Variants in CPED1 observed in about 807,000 individuals in gnomAD.
The protein encoded by CPED1 is cadherin like and PC-esterase domain containing 1.
Under a neutral mutation model 128.2 loss-of-function variants are expected in CPED1, and 114 were observed. The observed-to-expected ratio is 0.89, with a 90% CI of 0.76 to 1.04. CPED1 has a LOEUF of 1.04. CPED1 is among the 50% of genes least tolerant of loss of function. The probability of loss-of-function intolerance (pLI) is 0.00; values close to 1 mark genes in which losing one functional copy is unlikely to be tolerated. For missense variants in CPED1, 1,211 were observed against 1,207.1 expected (o/e 1.00, Z -0.05); for synonymous variants, 462 against 426.7 (o/e 1.08, Z -1.02).
At chr7:121,226,773 T>G (rs1798024603) in intron 16 of CPED1, among the ~76,000 whole-genome samples, 1 of 152,130 alleles carries the variant, frequency 6.6e-6, no homozygotes, top group Non-Finnish European at 1.5e-5. Flanking sequence ...CAAGGGTGAC[T>G]TTAGATAGAT....
chr7:120,998,191 A>G (rs1395050992), intron 2 of CPED1, among the ~76,000 whole-genome samples: 2 of 152,096 alleles, frequency 1.3e-5, no homozygotes, highest in Non-Finnish European at 2.9e-5. Context: ...TAGCCTCCAG[A>G]ATTACGAGAT....
intron 16 of CPED1, among the ~76,000 whole-genome samples, chr7:121,159,714 C>T (rs1440465206): frequency 6.6e-6 from 1 of 152,100 alleles, no homozygotes; most frequent in East Asian, 1.9e-4. Flanking sequence ...AATTAGCTAA[C>T]ACTCTGTTGT....
intron 4 of CPED1, among the ~76,000 whole-genome samples, chr7:121,053,432 A>G (rs1365848783): frequency 1.3e-5 from 2 of 152,164 alleles, no homozygotes; most frequent in Non-Finnish European, 1.5e-5. Context: ...AAACTTTGGC[A>G]AGAATTTCTT....
At chr7:121,244,596 G>A (rs1465795912) in intron 18 of CPED1, among the ~76,000 whole-genome samples, 3 of 152,146 alleles carry the variant, frequency 2.0e-5, no homozygotes, top group East Asian at 1.9e-4. Flanking sequence ...ATGCTGACCC[G>A]ATTCCATGCT....
intron 19 of CPED1, 56 bp from the exon 20 acceptor site, chr7:121,266,651 C>A: frequency 7.3e-7 from 1 of 1,368,972 alleles, no homozygotes; most frequent in Non-Finnish European, 1.0e-6. Context: ...AGTGCAGTTA[C>A]AATGTTTACC....
chr7:121,234,260 C>T (rs567514809), intron 16 of CPED1, among the ~76,000 whole-genome samples: 19 of 152,188 alleles, frequency 1.2e-4, no homozygotes, highest in Admixed American at 1.0e-3. Flanking sequence ...GCCTTCTCCT[C>T]TCCCCAGCCT....
At chr7:121,012,096 G>C (rs1229400159) in intron 2 of CPED1, among the ~76,000 whole-genome samples, 1 of 152,186 alleles carries the variant, frequency 6.6e-6, no homozygotes, top group African/African-American at 2.4e-5. Flanking sequence ...AAGCAAGCAA[G>C]TGATGGGGCC....
chr7:121,110,997 A>C (rs554281489), intron 7 of CPED1, among the ~76,000 whole-genome samples: 8 of 152,284 alleles, frequency 5.3e-5, no homozygotes, highest in African/African-American at 9.6e-5. Context: ...AGAGGGTTCA[A>C]GGATGACTCT....
rs1288368730 is a variant in CPED1 at position 121,266,273 on chromosome 7, T to C, written c.2357T>C (p.Leu786Pro). ...DSTNRGIMYY[L>P]IERLNETLQE... is the part of the protein sequence containing the mutation. ...ACCAACAGAGGGATCATGTACTATC[T>C]TATTGAAAGGCTGAATGAAACGTTG... The change falls in exon 19 of 23, where the codon CTT becomes CCT. Residue 786 changes from leucine (L) to proline (P), a missense_variant. Transcript: ENST00000310396. 1 of 1,613,130 alleles carries C rather than the reference T, an allele frequency of 6.2e-7. No individual in the cohort carries two copies. The highest frequency in any genetic ancestry group is 2.2e-5 in the East Asian group (1 of 44,830).
intron 4 of CPED1, among the ~76,000 whole-genome samples, chr7:121,057,886 A>C (rs946311683): frequency 6.6e-6 from 1 of 152,224 alleles, no homozygotes; most frequent in African/African-American, 2.4e-5. Flanking sequence ...GGTAAAGAGC[A>C]CTAAGGAGAA....
At chr7:121,062,508 T>C (rs1286208664) in intron 4 of CPED1, among the ~76,000 whole-genome samples, 1 of 152,236 alleles carries the variant, frequency 6.6e-6, no homozygotes, top group Non-Finnish European at 1.5e-5. Flanking sequence ...AAATTCTGGA[T>C]TGAAGAATTC....
intron 11 of CPED1, among the ~76,000 whole-genome samples, chr7:121,128,819 AAAGT>A (rs1156903456): frequency 1.3e-5 from 2 of 152,120 alleles, no homozygotes; most frequent in Non-Finnish European, 2.9e-5. Flanking sequence ...CATGCAACCA[AAAGT>A]TATTTCTGCT....
chr7:121,254,141 G>A (rs1798751083), intron 18 of CPED1, among the ~76,000 whole-genome samples: 1 of 151,984 alleles, frequency 6.6e-6, no homozygotes, highest in Non-Finnish European at 1.5e-5. Flanking sequence ...CATATTCTAA[G>A]ATTGAATACA....
intron 16 of CPED1, among the ~76,000 whole-genome samples, chr7:121,188,923 G>T (rs1190104172): frequency 6.6e-6 from 1 of 152,090 alleles, no homozygotes; most frequent in Non-Finnish European, 1.5e-5. Context: ...TTGCACATGA[G>T]TATTAGACTC....
At chr7:121,013,285 T>G (rs1792210206) in intron 2 of CPED1, among the ~76,000 whole-genome samples, 1 of 152,200 alleles carries the variant, frequency 6.6e-6, no homozygotes, top group Non-Finnish European at 1.5e-5. Flanking sequence ...GTGTCCCAAC[T>G]TTCTCTTAAA....
At chr7:120,990,488 T>C (rs776175618) in intron 2 of CPED1, among the ~76,000 whole-genome samples, 9 of 152,088 alleles carry the variant, frequency 5.9e-5, no homozygotes, top group Non-Finnish European at 7.4e-5. Flanking sequence ...ACTATTCAGA[T>C]AAACTTACTA....
Position 121,133,896 on chromosome 7 carries a change from A to G in CPED1, c.1648+3A>G, listed in dbSNP as rs1795728873. ...TGATGCAATAGAAAATAAAAAAGGTAAAAATATAGATATTCCCACTTATTT... is the reference window on the plus strand; with the variant it reads ...TGATGCAATAGAAAATAAAAAAGGTGAAAATATAGATATTCCCACTTATTT... On this transcript the variant is annotated splice_donor_region_variant and intron_variant, in intron 13 of 22. Transcript: ENST00000310396. The G allele has an allele frequency of 2.6e-6, 4 of 1,516,496 alleles. No individual in the cohort carries two copies. Among genetic ancestry groups the G allele is most frequent in the Non-Finnish European group, 3.6e-6 (4 of 1,101,354 alleles). The allele number at this position is 1,516,496 out of a possible 1,614,324, so 93.9% of individuals were successfully genotyped here.
chr7:121,131,198 T>A (rs889819238), intron 12 of CPED1, among the ~76,000 whole-genome samples: 2 of 152,106 alleles, frequency 1.3e-5, no homozygotes, highest in African/African-American at 4.8e-5. Flanking sequence ...AAACTTTATT[T>A]TTACAATTCA....
At chr7:121,265,624 A>G (rs1004190222) in intron 18 of CPED1, among the ~76,000 whole-genome samples, 1 of 152,052 alleles carries the variant, frequency 6.6e-6, no homozygotes, top group Non-Finnish European at 1.5e-5. Flanking sequence ...AGAGCATTAC[A>G]CTAGTGCAGG....
Sources: gnomAD v4.1 joint callset for allele counts (sites outside exome capture counted in the v4.1 genomes callset) on GRCh38, gnomAD v4.1.1 for gene constraint, MANE v1.5 for transcripts, NCBI Gene and HGNC (gene_info 2026-07-23, HGNC 2026-07-21) for gene names.